PCDHA4: variants seen among roughly 807,000 people sequenced by gnomAD.
The protein encoded by PCDHA4 is protocadherin alpha-4.
In PCDHA4, 49 loss-of-function variants were observed where a neutral mutation model predicts 61.4. That is an observed-to-expected ratio of 0.80 (90% CI 0.63 to 1.01). PCDHA4 has a LOEUF of 1.01. Among genes scored for constraint, PCDHA4 ranks in the 50% least tolerant of loss-of-function variants. The pLI is 0.00. For missense variants in PCDHA4, 1,254 were observed against 1,235.8 expected, an observed-to-expected ratio of 1.01 and a Z score of -0.22; for synonymous variants, 590 against 550.3, an observed-to-expected ratio of 1.07 and a Z score of -1.01.
chr5:140,876,330 A>G, intron 1 of PCDHA4: 2 of 1,614,042 alleles, frequency 1.2e-6, no homozygotes, highest in Admixed American at 1.7e-5. Flanking sequence ...TGATTTTGCC[A>G]GTGAGTGAGA....
chr5:140,823,199 C>A lies in PCDHA4; in HGVS notation c.2385+13627C>A, dbSNP rs143689350. The A allele has an allele frequency of 1.6e-4, 266 of 1,613,866 alleles. No homozygotes were observed. In the African/African-American group the frequency reaches 3.4e-3, roughly 21 times the overall value. ...AACCCGCCAGGCTGCCACATCTTCA[C>A]GGTGTCTGCACGGGACGCGGACGCG... is the stretch of plus-strand genomic sequence containing the variant. On this transcript the variant is annotated intron_variant, in intron 1 of 3. Coordinates refer to ENST00000530339, the MANE Select transcript of PCDHA4 (RefSeq NM_018907.4).
chr5:140,924,901 A>AAAAAAT (rs369245222), intron 1 of PCDHA4, among the ~76,000 whole-genome samples: 13 of 80,502 alleles, frequency 1.6e-4, no homozygotes, highest in East Asian at 1.6e-3. Flanking sequence ...TCTCAAAAAA[A>AAAAAAT]AAAATAAAAT....
chr5:140,877,815 A>T (rs782076422), intron 1 of PCDHA4: 21 of 1,609,380 alleles, frequency 1.3e-5, no homozygotes, highest in Non-Finnish European at 1.7e-5. Context: ...TGTCTCGAGA[A>T]GATTGTTTAA....
rs781785947 is a variant in PCDHA4 at position 140,807,894 on chromosome 5, A to G, written c.707A>G (p.Asn236Ser). The G allele has an allele frequency of 7.4e-6, 12 of 1,614,012 alleles. No individual in the cohort carries two copies. The highest frequency in any genetic ancestry group is 1.0e-5 in the Non-Finnish European group (12 of 1,179,956). The change falls in exon 1 of 4, where the codon AAT becomes AGT. Residue 236 changes from asparagine (N) to serine (S), a missense_variant. Physicochemically the swap from Asn to Ser is conservative, Grantham distance 46. Coordinates refer to ENST00000530339, the MANE Select transcript of PCDHA4 (RefSeq NM_018907.4). ...TTACTCATCACAGTACTGGATGCCA[A>G]TGACAATGCCCCAGCTTTTGACAGA... ...VQLLITVLDA[N>S]DNAPAFDRTI...
At chr5:140,999,321 A>G (rs1043394227) in intron 3 of PCDHA4, among the ~76,000 whole-genome samples, 32 of 152,198 alleles carry the variant, frequency 2.1e-4, no homozygotes, top group Non-Finnish European at 3.2e-4. Context: ...ACAGACATTG[A>G]TCTGTGTGAT....
intron 1 of PCDHA4, chr5:140,968,553 G>A (rs782583876): frequency 4.3e-6 from 7 of 1,614,132 alleles, no homozygotes; most frequent in South Asian, 2.2e-5. Context: ...ATGGTGCCTC[G>A]AACTGCCCCT....
In PCDHA4 at chr5:140,843,430, CATCTGCGCGGT is replaced by C. The variant is rs1778874946; in HGVS notation, c.2385+33862_2385+33872del. The C allele has an allele frequency of 1.6e-5, 26 of 1,596,170 alleles. 2 individuals carry two copies. Among genetic ancestry groups the C allele is most frequent in the Non-Finnish European group, 2.1e-5 (24 of 1,165,672 alleles). On this transcript the variant is annotated intron_variant, in intron 1 of 3. Coordinates refer to ENST00000530339, the MANE Select transcript of PCDHA4 (RefSeq NM_018907.4). ...ATGTCAACGTGTACCTGATCATCGC[CATCTGCGCGGT>C]ATCCAGCCTGCTGGTGCTCACGCTG...
rs559337177 is a variant in PCDHA4 at position 140,853,682 on chromosome 5, A to G, written c.2385+44110A>G. On this transcript the variant is annotated intron_variant, in intron 1 of 3. Transcript: ENST00000530339. ...ACAAATTGGGGCCTATGGTCAACCT[A>G]TCCTTAGACCTGCTAACGCATTAGC... 95 of 988,426 alleles carry G rather than the reference A, an allele frequency of 9.6e-5. 12 individuals are homozygous for G. The highest frequency in any genetic ancestry group is 1.1e-4 in the Non-Finnish European group (93 of 820,328). The allele number at this position is 988,426 out of a possible 1,614,324, so 61.2% of individuals were successfully genotyped here.
intron 1 of PCDHA4, among the ~76,000 whole-genome samples, chr5:140,947,190 C>T (rs1292127049): frequency 6.6e-6 from 1 of 151,120 alleles, no homozygotes; most frequent in Non-Finnish European, 1.5e-5. Flanking sequence ...TGGTATACTA[C>T]ACAGCCTTAA....
chr5:140,909,771 C>T (rs907087409), intron 1 of PCDHA4, among the ~76,000 whole-genome samples: 49 of 152,200 alleles, frequency 3.2e-4, no homozygotes, highest in African/African-American at 1.1e-3. Flanking sequence ...TCCAGGGACC[C>T]ACTGGACCCA....
chr5:140,941,202 C>CTTTCTTTCTTTCTCT (rs1554213921), intron 1 of PCDHA4, among the ~76,000 whole-genome samples: 1 of 122,742 alleles, frequency 8.1e-6, no homozygotes, highest in African/African-American at 3.0e-5. Context: ...TTTCTTTCTT[C>CTTTCTTTCTTTCTCT]CTTTCTTTCT....
At chr5:140,988,519 T>C (rs187868159) in intron 3 of PCDHA4, among the ~76,000 whole-genome samples, 69 of 152,324 alleles carry the variant, frequency 4.5e-4, no homozygotes, top group African/African-American at 1.5e-3. Context: ...TACTTAAGTC[T>C]CTGCTGGCTC....
rs2150305590 is a variant in PCDHA4, at chr5:140,840,302, C to A, written c.2385+30730C>A. Among the ~76,000 whole-genome samples, 18 of 151,968 alleles carry A rather than the reference C, an allele frequency of 1.2e-4. No individual in the cohort carries two copies. The East Asian group carries it at 3.3e-3, about 28-fold the overall frequency. ...TTTGGGTGATTATTGATTAGATATTCTTTTAACTTTGGTCGACTCATTTTC... is the reference window on the plus strand; with the variant it reads ...TTTGGGTGATTATTGATTAGATATTATTTTAACTTTGGTCGACTCATTTTC... On this transcript the variant is annotated intron_variant, in intron 1 of 3. Transcript: ENST00000530339.
intron 1 of PCDHA4, chr5:140,843,306 C>A: frequency 6.3e-7 from 1 of 1,596,008 alleles, no homozygotes; most frequent in Non-Finnish European, 8.6e-7. Flanking sequence ...CTGACCGCCA[C>A]GGCCACGGTT....
rs1417352469 is a variant in PCDHA4 at position 140,875,131 on chromosome 5, G to A, written c.2385+65559G>A. ...AATATCATGTATATTAACTAAACCC[G>A]CATTTATAAATGATCCGTGAAAAAT... On this transcript the variant is annotated intron_variant, in intron 1 of 3. Coordinates refer to ENST00000530339, the MANE Select transcript of PCDHA4 (RefSeq NM_018907.4). Among the ~76,000 whole-genome samples, 5 of 152,228 alleles carry A rather than the reference G, an allele frequency of 3.3e-5. No individual in the cohort carries two copies. The East Asian group carries it at 9.6e-4, about 29-fold the overall frequency.
intron 1 of PCDHA4, chr5:140,884,140 G>C: frequency 6.2e-7 from 1 of 1,613,412 alleles, no homozygotes; most frequent in Non-Finnish European, 8.5e-7. Context: ...CGTTCCGCGT[G>C]GGGCTGTACA....
At position 140,883,249 on chromosome 5, in the gene PCDHA4, T is replaced by A. The variant is rs145815075; in HGVS notation, c.2385+73677T>A. On this transcript the variant is annotated intron_variant, in intron 1 of 3. Transcript: ENST00000530339. ...CCGTGGAGGCAGTTGACAAAGGAAA[T>A]ATTCCAATGGCGGGTCATTGTACCC... The A allele has an allele frequency of 5.1e-4, 830 of 1,613,870 alleles. 7 individuals carry two copies. In the African/African-American group the frequency reaches 9.0e-3, roughly 18 times the overall value.
chr5:140,966,860 T>A, intron 1 of PCDHA4: 1 of 1,577,482 alleles, frequency 6.3e-7, no homozygotes, highest in Middle Eastern at 1.7e-4. Flanking sequence ...CCTGCTGCTG[T>A]TGCTGCTGCT....
At chr5:141,002,333 G>A (rs782123745) in intron 3 of PCDHA4, among the ~76,000 whole-genome samples, 15 of 152,314 alleles carry the variant, frequency 9.8e-5, no homozygotes, top group Non-Finnish European at 1.8e-4. Flanking sequence ...GGCTGCATCC[G>A]CACCCCTTCC....
Sources: gnomAD v4.1 joint callset for allele counts (sites outside exome capture counted in the v4.1 genomes callset) on GRCh38, gnomAD v4.1.1 for gene constraint, MANE v1.5 for transcripts, NCBI Gene and HGNC (gene_info 2026-07-23, HGNC 2026-07-21) for gene names.